ATP8A2: variants seen among roughly 807,000 people sequenced by gnomAD.
The protein encoded by ATP8A2 is ATPase phospholipid transporting 8A2, also known as phospholipid-transporting ATPase IB.
A neutral mutation model predicts 165.6 loss-of-function variants in ATP8A2; 100 were observed. The observed-to-expected ratio is 0.60, with a 90% CI of 0.51 to 0.71. The LOEUF (loss-of-function observed/expected upper bound fraction) is 0.71. ATP8A2 is among the 30% of genes least tolerant of loss of function. The pLI is 0.00. For synonymous variants in ATP8A2, 543 were observed against 548.8 expected, an observed-to-expected ratio of 0.99 and a Z score of 0.15; for missense variants, 1,227 against 1,479.5, an observed-to-expected ratio of 0.83 and a Z score of 2.80.
chr13:25,869,788 GGGTTCTGACCCCAC>G (rs2138800950), intron 33 of ATP8A2, among the ~76,000 whole-genome samples: 1 of 152,316 alleles, frequency 6.6e-6, no homozygotes, highest in East Asian at 1.9e-4. Flanking sequence ...GCAGGCTGTG[GGGTTCTGACCCCAC>G]GGTAGTGTCT....
At chr13:25,850,618 C>G (rs1334877981) in intron 30 of ATP8A2, among the ~76,000 whole-genome samples, 2 of 152,094 alleles carry the variant, frequency 1.3e-5, no homozygotes, top group Non-Finnish European at 2.9e-5. Flanking sequence ...GGTTTTGTCC[C>G]CCTTTGAAAA....
At chr13:25,533,538 T>A (rs2038184757) in intron 6 of ATP8A2, among the ~76,000 whole-genome samples, 1 of 152,232 alleles carries the variant, frequency 6.6e-6, no homozygotes, top group Non-Finnish European at 1.5e-5. Context: ...GTTTCTGAAA[T>A]CTCAAAGTAT....
intron 27 of ATP8A2, among the ~76,000 whole-genome samples, chr13:25,819,101 CT>C (rs1485475189): frequency 1.3e-5 from 2 of 152,130 alleles, no homozygotes; most frequent in Non-Finnish European, 2.9e-5. Context: ...TCATACTTTT[CT>C]TTGCACTCAT....
chr13:25,422,684 A>G (rs1057041840), intron 1 of ATP8A2, among the ~76,000 whole-genome samples: 8 of 152,252 alleles, frequency 5.3e-5, no homozygotes, highest in African/African-American at 1.9e-4. Context: ...AGGCATTGCA[A>G]TGGGAATGTA....
Position 25,953,180 on chromosome 13 carries a change from C to T in ATP8A2, c.3184-8395C>T, listed in dbSNP as rs538606042. 3.0e-4 allele frequency among the ~76,000 whole-genome samples: 45 copies of T among 152,192 alleles called. No homozygotes were observed. Among genetic ancestry groups the T allele is most frequent in the South Asian group, 1.9e-3 (9 of 4,828 alleles). On this transcript the variant is annotated intron_variant, in intron 33 of 36. Transcript: ENST00000381655. The surrounding 1 kb of genome is among the most constrained non-coding windows in gnomAD (Gnocchi z 6.7). ...AATTGTCCCCTCCTGTGTTTCTTTTCGTCTTTTAACTTTACAAGTGCTCCT... is the reference window on the plus strand; with the variant it reads ...AATTGTCCCCTCCTGTGTTTCTTTTTGTCTTTTAACTTTACAAGTGCTCCT...
At chr13:25,977,035 A>ACCCCCACCCCCACCCCCT (rs1956061363) in intron 35 of ATP8A2, among the ~76,000 whole-genome samples, 1 of 61,144 alleles carries the variant, frequency 1.6e-5, no homozygotes, top group African/African-American at 6.4e-5. Flanking sequence ...ATCCACCCCC[A>ACCCCCACCCCCACCCCCT]CCCCCACCCC....
intron 33 of ATP8A2, among the ~76,000 whole-genome samples, chr13:25,866,131 C>T (rs1233061343): frequency 6.6e-6 from 1 of 152,184 alleles, no homozygotes; most frequent in Non-Finnish European, 1.5e-5. Context: ...CTGTTTTCTT[C>T]ATGCATTTCC....
intron 1 of ATP8A2, among the ~76,000 whole-genome samples, chr13:25,396,298 C>G (rs2033422450): frequency 3.3e-5 from 5 of 152,116 alleles, no homozygotes; most frequent in Non-Finnish European, 7.3e-5. Flanking sequence ...CAAGGTAGGT[C>G]AGATAACTTT....
At chr13:25,474,114 C>T (rs984619542) in intron 2 of ATP8A2, among the ~76,000 whole-genome samples, 3 of 152,112 alleles carry the variant, frequency 2.0e-5, no homozygotes, top group Non-Finnish European at 2.9e-5. Context: ...TTCAGGTGGG[C>T]GTTTTAGCTA....
At chr13:25,435,893 C>T (rs912100639) in intron 1 of ATP8A2, among the ~76,000 whole-genome samples, 1 of 150,194 alleles carries the variant, frequency 6.7e-6, no homozygotes, top group Non-Finnish European at 1.5e-5. Context: ...AAAAATGTCA[C>T]GCAGTTAAGA....
At chr13:25,729,224 A>C (rs1326213041) in intron 25 of ATP8A2, among the ~76,000 whole-genome samples, 1 of 152,062 alleles carries the variant, frequency 6.6e-6, no homozygotes, top group African/African-American at 2.4e-5. Context: ...TCATTTTAGG[A>C]CTACAGGCTA....
chr13:25,717,019 C>T (rs1266270584), intron 25 of ATP8A2, among the ~76,000 whole-genome samples: 3 of 152,196 alleles, frequency 2.0e-5, no homozygotes, highest in Non-Finnish European at 2.9e-5. Context: ...TAGGAAAATA[C>T]TCTTTCTGGA....
intron 36 of ATP8A2, among the ~76,000 whole-genome samples, chr13:26,012,841 A>C (rs1022852422): frequency 2.0e-5 from 3 of 152,092 alleles, no homozygotes; most frequent in Non-Finnish European, 2.9e-5. Context: ...AAAATCCGTA[A>C]ACTTAAAATC....
chr13:25,537,719 C>A (rs1028567920), intron 6 of ATP8A2, among the ~76,000 whole-genome samples: 1 of 152,136 alleles, frequency 6.6e-6, no homozygotes, highest in Non-Finnish European at 1.5e-5. Context: ...AAAACGAGAT[C>A]TTTATAGCTG....
chr13:25,495,279 A>C (rs2036640895), intron 2 of ATP8A2, among the ~76,000 whole-genome samples: 1 of 152,124 alleles, frequency 6.6e-6, no homozygotes, highest in African/African-American at 2.4e-5. Flanking sequence ...GAGGCTGAGA[A>C]GGGGTTTGAA....
intron 2 of ATP8A2, among the ~76,000 whole-genome samples, chr13:25,520,775 GTA>G (rs199805502): frequency 6.7e-6 from 1 of 149,660 alleles, no homozygotes; most frequent in Non-Finnish European, 1.5e-5. Flanking sequence ...CTAATTTTTT[GTA>G]TATATATATA....
intron 34 of ATP8A2, 102 bp downstream of exon 34, chr13:25,961,765 C>T (rs1031731325): frequency 8.8e-6 from 8 of 904,386 alleles, no homozygotes; most frequent in South Asian, 4.9e-5. Context: ...GACAGGAATT[C>T]GGAAGAAATG....
chr13:25,959,343 A>G (rs1280886358), intron 33 of ATP8A2, among the ~76,000 whole-genome samples: 2 of 152,218 alleles, frequency 1.3e-5, no homozygotes, highest in Non-Finnish European at 2.9e-5. Flanking sequence ...ATACCGTTCC[A>G]TGCATTGTTC....
chr13:25,672,437 A>G (rs749563174), intron 24 of ATP8A2, among the ~76,000 whole-genome samples: 7 of 151,760 alleles, frequency 4.6e-5, no homozygotes, highest in African/African-American at 7.3e-5. Context: ...GAGTCTTTCC[A>G]TTTCTCTTTG....
Sources: allele counts gnomAD v4.1 joint callset (sites outside exome capture counted in the v4.1 genomes callset), GRCh38; gene constraint gnomAD v4.1.1; non-coding constraint Gnocchi (gnomAD v3.1); transcripts MANE v1.5; gene names NCBI Gene and HGNC (gene_info 2026-07-23, HGNC 2026-07-21).